Variants in HEG1 observed in about 807,000 individuals in gnomAD.
HEG1 encodes heart development protein with EGF like domains 1.
Under a neutral mutation model 125.6 loss-of-function variants are expected in HEG1, and 56 were observed. The observed-to-expected ratio is 0.45, with a 90% CI of 0.36 to 0.56. The LOEUF (loss-of-function observed/expected upper bound fraction) is 0.56, where lower values mean the gene tolerates loss of function less well. HEG1 is among the 20% of genes least tolerant of loss of function. HEG1 has a pLI of 0.00. For missense variants in HEG1, 1,523 were observed against 1,670.0 expected, an observed-to-expected ratio of 0.91 and a Z score of 1.53; for synonymous variants, 644 against 668.5, an observed-to-expected ratio of 0.96 and a Z score of 0.57.
At position 125,013,351 on chromosome 3, in the gene HEG1, G is replaced by A. The variant is rs150232516; in HGVS notation, c.2228C>T (p.Ser743Phe). The A allele has an allele frequency of 5.3e-4, 857 of 1,613,988 alleles. 4 individuals are homozygous for A. In the African/African-American group the frequency reaches 1.0e-2, roughly 19 times the overall value. ...CCTTGCCCTGGGCAGGACAGGGGTA[G>A]AAGATGACTGTGGCAAGGTTGTTTG... ...VSQTTLPQSS[S>F]TPVLPRARET... Residue 743 changes from serine to phenylalanine, a missense_variant, in exon 6 of 17, where the codon TCT (serine) becomes TTT (phenylalanine). Ser to Phe is a radical substitution (Grantham distance 155). Coordinates refer to ENST00000311127, the MANE Select transcript of HEG1 (RefSeq NM_020733.2).
At chr3:125,034,745 A>G (rs901421268) in intron 1 of HEG1, among the ~76,000 whole-genome samples, 9 of 152,214 alleles carry the variant, frequency 5.9e-5, no homozygotes, top group African/African-American at 2.2e-4. Flanking sequence ...GGTTGCAGTG[A>G]GCTGTGATTG....
intron 12 of HEG1, among the ~76,000 whole-genome samples, chr3:124,996,407 C>G (rs1419221660): frequency 6.6e-6 from 1 of 152,038 alleles, no homozygotes; most frequent in Non-Finnish European, 1.5e-5. Context: ...CTAAGAGGTG[C>G]AAGGAACACT....
intron 9 of HEG1, among the ~76,000 whole-genome samples, chr3:125,004,731 T>A (rs1052125398): frequency 6.6e-5 from 10 of 151,802 alleles, no homozygotes; most frequent in Non-Finnish European, 1.0e-4. Context: ...AAAAAAAAAT[T>A]CTGATAAAAA....
chr3:124,975,900 T>C (rs1430677520), intron 15 of HEG1, among the ~76,000 whole-genome samples: 2 of 152,262 alleles, frequency 1.3e-5, no homozygotes, highest in East Asian at 3.8e-4. Context: ...TGTAGAAATA[T>C]ATCACATTTT....
chr3:124,999,137 G>A (rs553333533), intron 11 of HEG1, among the ~76,000 whole-genome samples: 6 of 152,286 alleles, frequency 3.9e-5, no homozygotes, highest in East Asian at 1.9e-4. Context: ...ACTCAGGACC[G>A]GTAGACAGCC....
intron 1 of HEG1, among the ~76,000 whole-genome samples, chr3:125,038,905 T>C (rs868806604): frequency 6.6e-6 from 1 of 152,140 alleles, no homozygotes; most frequent in Non-Finnish European, 1.5e-5. Context: ...CAGACATTCA[T>C]GGGGTGGGAG....
At chr3:125,014,602 C>G (rs1937215370) in intron 5 of HEG1, 1 of 938,122 alleles carries the variant, frequency 1.1e-6, no homozygotes, top group African/African-American at 1.7e-5. Context: ...CCATAAAGAG[C>G]TTGTAAGGCA....
Position 124,977,953 on chromosome 3 carries a change from G to T in HEG1, c.3734-7C>A. 1.3e-6 allele frequency: 2 copies of T among 1,552,420 alleles called. No individual in the cohort carries two copies. Among genetic ancestry groups the T allele is most frequent in the Non-Finnish European group, 1.7e-6 (2 of 1,149,220 alleles). The stretch of plus-strand genomic sequence containing the variant: ...ACAGTGATAAGCTGATAGGCTAAAC[G>T]TAAAACAAACAAAAAAGCATATTGG... On this transcript the variant is annotated splice_region_variant and splice_polypyrimidine_tract_variant and intron_variant, in intron 14 of 16. Coordinates refer to ENST00000311127, the MANE Select transcript of HEG1 (RefSeq NM_020733.2).
chr3:125,052,381 G>A (rs940327464), intron 1 of HEG1, among the ~76,000 whole-genome samples: 2 of 152,166 alleles, frequency 1.3e-5, no homozygotes, highest in African/African-American at 4.8e-5. Context: ...CTATTTAACA[G>A]CTCAGACGGG....
chr3:124,973,940 C>A (rs759205886), intron 15 of HEG1, 35 bp from the exon 16 acceptor site: 1 of 1,483,088 alleles, frequency 6.7e-7, no homozygotes, highest in South Asian at 1.2e-5. Context: ...AAGCTCAATT[C>A]CGTAAAGAAG....
intron 5 of HEG1, among the ~76,000 whole-genome samples, chr3:125,018,861 A>G (rs866687901): frequency 1.3e-4 from 19 of 143,984 alleles, no homozygotes; most frequent in South Asian, 8.6e-4. Context: ...TCATTCATGC[A>G]TGCTTTTTTT....
chr3:125,032,484 C>A (rs79276250), intron 1 of HEG1, among the ~76,000 whole-genome samples: 4 of 152,206 alleles, frequency 2.6e-5, no homozygotes, highest in Non-Finnish European at 5.9e-5. Context: ...GCAAGACCCA[C>A]ATGCAGCTAG....
chr3:125,008,973 C>A (rs928872797), intron 8 of HEG1, among the ~76,000 whole-genome samples: 2 of 152,218 alleles, frequency 1.3e-5, no homozygotes, highest in Admixed American at 1.3e-4. Flanking sequence ...GGCTGGGAAC[C>A]AGGCTTCCCA....
At chr3:125,020,370 G>C (rs951585878) in intron 4 of HEG1, among the ~76,000 whole-genome samples, 1 of 152,204 alleles carries the variant, frequency 6.6e-6, no homozygotes, top group Non-Finnish European at 1.5e-5. Flanking sequence ...AGGCTGCAGT[G>C]AGCCGTAATC....
intron 9 of HEG1, among the ~76,000 whole-genome samples, chr3:125,003,797 C>G (rs4679214): frequency 1 from 152,329 of 152,364 alleles, 76,147 homozygotes; most frequent in Middle Eastern, 1. Flanking sequence ...CTCAGCGGGA[C>G]GACAGCTGGA....
chr3:125,049,091 C>T (rs751227995), intron 1 of HEG1, among the ~76,000 whole-genome samples: 33 of 152,156 alleles, frequency 2.2e-4, no homozygotes, highest in Admixed American at 6.5e-4. Flanking sequence ...GCCTATCATA[C>T]GGTAGGCAGG....
intron 14 of HEG1, among the ~76,000 whole-genome samples, chr3:124,988,161 G>C (rs180977695): frequency 5.4e-4 from 82 of 151,844 alleles, no homozygotes; most frequent in African/African-American, 1.9e-3. Context: ...GGTTTCAAGT[G>C]AGAAATGAGA....
At chr3:125,001,189 A>C (rs562331275) in intron 11 of HEG1, among the ~76,000 whole-genome samples, 15 of 152,030 alleles carry the variant, frequency 9.9e-5, no homozygotes, top group Non-Finnish European at 1.6e-4. Flanking sequence ...GTGCATTTAT[A>C]ATGTGCAAAC....
chr3:124,997,747 G>A lies in HEG1; in HGVS notation c.3594C>T (p.Ala1198=), dbSNP rs1454735842. ...TSICTDLDGV[A]LCQCKSGYFQ... ...AGTATCCCGACTTGCACTGGCACAGGGCAACGCCGTCCAGGTCAGTGCAGA... is the reference window on the plus strand; with the variant it reads ...AGTATCCCGACTTGCACTGGCACAGAGCAACGCCGTCCAGGTCAGTGCAGA... The change falls in exon 12 of 17, where the codon GCC becomes GCT. Residue 1198 remains alanine, a synonymous_variant. Transcript: ENST00000311127. 1.9e-6 allele frequency: 3 copies of A among 1,598,360 alleles called. No homozygotes were observed. Among genetic ancestry groups the A allele is most frequent in the African/African-American group, 2.7e-5 (2 of 74,746 alleles).
Sources: allele counts gnomAD v4.1 joint callset (sites outside exome capture counted in the v4.1 genomes callset), GRCh38; gene constraint gnomAD v4.1.1; transcripts MANE v1.5; gene names NCBI Gene and HGNC (gene_info 2026-07-23, HGNC 2026-07-21).